The following STK38 variants were observed in gnomAD, a reference collection of about 807,000 sequenced individuals.
The protein encoded by STK38 is serine/threonine-protein kinase 38.
Under a neutral mutation model 59.0 loss-of-function variants are expected in STK38, and 26 were observed. That is an observed-to-expected ratio of 0.44 (90% CI 0.32 to 0.61). STK38 has a LOEUF of 0.61. STK38 is among the 20% of genes least tolerant of loss of function. STK38 has a pLI of 0.04. For synonymous variants in STK38, 175 were observed against 176.6 expected (o/e 0.99, Z 0.07); for missense variants, 433 against 566.0 (o/e 0.76, Z 2.38).
At chr6:36,529,458 G>A (rs751182387) in intron 2 of STK38, among the ~76,000 whole-genome samples, 60 of 152,176 alleles carry the variant, frequency 3.9e-4, no homozygotes, top group Non-Finnish European at 6.8e-4. Flanking sequence ...GCAGTGCCAG[G>A]TTAACTAACA....
At chr6:36,504,442 A>G (rs184263943) in intron 9 of STK38, among the ~76,000 whole-genome samples, 1 of 152,334 alleles carries the variant, frequency 6.6e-6, no homozygotes, top group Admixed American at 6.5e-5. Context: ...CCATTAACGA[A>G]TATCAATCTT....
chr6:36,542,349 C>CA (rs1777958456), intron 1 of STK38, among the ~76,000 whole-genome samples: 1 of 151,978 alleles, frequency 6.6e-6, no homozygotes, highest in Non-Finnish European at 1.5e-5. Flanking sequence ...AACAATATGA[C>CA]AAAAAACCTG....
chr6:36,521,855 G>A lies in STK38; in HGVS notation c.307-38C>T, dbSNP rs368222792. On this transcript the variant is annotated intron_variant, in intron 4 of 13. Transcript: ENST00000229812. ...AAAAGAAATGCCAAGTCAAAAACTC[G>A]TACTACCAACCTAATGCTTTCATGT... is the stretch of plus-strand genomic sequence containing the variant. The A allele has an allele frequency of 4.0e-5, 61 of 1,538,240 alleles. 1 individual carries two copies. In the South Asian group the frequency reaches 5.3e-4, roughly 13 times the overall value.
At chr6:36,495,942 A>C in intron 13 of STK38, 28 bp from the exon 14 acceptor site, 1 of 1,611,076 alleles carries the variant, frequency 6.2e-7, no homozygotes, top group Non-Finnish European at 8.5e-7. Context: ...GTGAGAGTTG[A>C]TTCACTGCCT....
chr6:36,514,311 CAA>C (rs56658213), intron 7 of STK38, among the ~76,000 whole-genome samples: 6 of 121,108 alleles, frequency 5.0e-5, no homozygotes, highest in East Asian at 2.2e-4. Context: ...GAGACCGTCT[CAA>C]AAAAAAAAAA....
chr6:36,510,222 C>A (rs1199123085), intron 7 of STK38, among the ~76,000 whole-genome samples: 1 of 152,236 alleles, frequency 6.6e-6, no homozygotes, highest in Non-Finnish European at 1.5e-5. Context: ...CACCCAGGTG[C>A]TCTCCTCCCC....
intron 1 of STK38, among the ~76,000 whole-genome samples, chr6:36,542,590 G>T (rs1777964606): frequency 6.6e-6 from 1 of 152,204 alleles, no homozygotes; most frequent in South Asian, 2.1e-4. Flanking sequence ...GTTGCAGTGA[G>T]CCGAGATAGC....
chr6:36,514,592 T>C (rs1026404434), intron 7 of STK38, among the ~76,000 whole-genome samples: 2 of 152,112 alleles, frequency 1.3e-5, no homozygotes, highest in African/African-American at 4.8e-5. Flanking sequence ...AGCAAGTTAG[T>C]TGGCAGCACA....
At chr6:36,502,720 T>A (rs1286149229) in intron 9 of STK38, among the ~76,000 whole-genome samples, 1 of 152,220 alleles carries the variant, frequency 6.6e-6, no homozygotes, top group Non-Finnish European at 1.5e-5. Context: ...GCTAAACATG[T>A]ACTCCTCCTC....
rs777659405 is a variant in STK38, at chr6:36,507,606, T to C, written c.670-4A>G. The C allele has an allele frequency of 5.6e-6, 9 of 1,611,754 alleles. No homozygotes were observed. Among genetic ancestry groups the C allele is most frequent in the African/African-American group, 2.7e-5 (2 of 74,846 alleles). ...AGTCAGAAAGTTTCACATGGCCCTATGGGGAAGAAACAAGGTGATAGATGG... is the reference window on the plus strand; with the variant it reads ...AGTCAGAAAGTTTCACATGGCCCTACGGGGAAGAAACAAGGTGATAGATGG... On this transcript the variant is annotated splice_polypyrimidine_tract_variant and splice_region_variant and intron_variant, in intron 7 of 13. Transcript: ENST00000229812.
intron 10 of STK38, among the ~76,000 whole-genome samples, chr6:36,499,633 AG>A (rs1776791272): frequency 1.3e-5 from 2 of 152,240 alleles, no homozygotes; most frequent in Non-Finnish European, 2.9e-5. Flanking sequence ...GAGAAGATGA[AG>A]GTATAAGAGA....
intron 2 of STK38, among the ~76,000 whole-genome samples, chr6:36,531,320 T>C (rs1031756205): frequency 2.0e-5 from 3 of 152,208 alleles, no homozygotes; most frequent in African/African-American, 4.8e-5. Context: ...TTATTACCTA[T>C]TAAATTAGGT....
intron 6 of STK38, among the ~76,000 whole-genome samples, chr6:36,517,117 T>C (rs567239508): frequency 6.6e-6 from 1 of 152,266 alleles, no homozygotes; most frequent in Non-Finnish European, 1.5e-5. Context: ...TCTCTCTTTT[T>C]TTTTCCCACC....
At chr6:36,536,180 T>A (rs1032728100) in intron 2 of STK38, among the ~76,000 whole-genome samples, 3 of 152,106 alleles carry the variant, frequency 2.0e-5, no homozygotes, top group Non-Finnish European at 2.9e-5. Flanking sequence ...GCCAAAGCAA[T>A]CTCATGGGGG....
intron 7 of STK38, among the ~76,000 whole-genome samples, chr6:36,510,144 C>T (rs1464449212): frequency 6.6e-6 from 1 of 152,216 alleles, no homozygotes; most frequent in Non-Finnish European, 1.5e-5. Flanking sequence ...CTCTCTGCCT[C>T]TTATAGCCAT....
At chr6:36,509,923 T>A (rs769441819) in intron 7 of STK38, among the ~76,000 whole-genome samples, 9 of 152,170 alleles carry the variant, frequency 5.9e-5, no homozygotes, top group Non-Finnish European at 1.0e-4. Flanking sequence ...TGCCAGAGTG[T>A]GAGTCCAGGG....
chr6:36,514,938 T>C (rs2127475510), intron 7 of STK38, among the ~76,000 whole-genome samples: 1 of 152,050 alleles, frequency 6.6e-6, no homozygotes, highest in African/African-American at 2.4e-5. Context: ...CAGGTTCTTG[T>C]TGTTACTGCA....
rs1435748325 is a variant in STK38 at position 36,499,877 on chromosome 6, G to A, written c.948C>T (p.Leu316=). ...WSLGVIMYEM[L]IGYPPFCSET... Reference sequence around the variant, plus strand: ...CTCTGAAACCATGCAACTTACCGATGAGCATCTCATACATGATCACCCCAA... The same window carrying A: ...CTCTGAAACCATGCAACTTACCGATAAGCATCTCATACATGATCACCCCAA... Residue 316 remains leucine (L), a synonymous_variant, in exon 10 of 14, where the codon CTC becomes CTT. Coordinates refer to ENST00000229812, the MANE Select transcript of STK38 (RefSeq NM_007271.4). 2 of 1,613,356 alleles carry A rather than the reference G, an allele frequency of 1.2e-6. No homozygotes were observed. Among genetic ancestry groups the A allele is most frequent in the South Asian group, 1.1e-5 (1 of 91,058 alleles).
chr6:36,528,563 AT>A (rs1180896905), intron 2 of STK38, among the ~76,000 whole-genome samples: 1 of 152,190 alleles, frequency 6.6e-6, no homozygotes, highest in African/African-American at 2.4e-5. Context: ...TTCCCAGAAT[AT>A]TTTGGGATAC....
Sources: gnomAD v4.1 joint callset for allele counts (sites outside exome capture counted in the v4.1 genomes callset) on GRCh38, gnomAD v4.1.1 for gene constraint, MANE v1.5 for transcripts, NCBI Gene and HGNC (gene_info 2026-07-23, HGNC 2026-07-21) for gene names.